TBX15: variants seen among roughly 807,000 people sequenced by gnomAD.
The protein encoded by TBX15 is T-box transcription factor 15.
In TBX15, 18 loss-of-function variants were observed where a neutral mutation model predicts 53.9. The observed-to-expected ratio is 0.33, with a 90% CI of 0.23 to 0.49. The LOEUF is 0.49. Ranked by LOEUF, TBX15 falls within the 20% of genes least tolerant of loss-of-function variation. The pLI is 0.98. For missense variants in TBX15, 692 were observed against 749.5 expected (o/e 0.92, Z 0.90); for synonymous variants, 295 against 278.0 (o/e 1.06, Z -0.61).
chr1:118,918,547 T>C (rs1283563349), intron 5 of TBX15, among the ~76,000 whole-genome samples: 1 of 152,200 alleles, frequency 6.6e-6, no homozygotes, highest in South Asian at 2.1e-4. Flanking sequence ...AGTCTGCTAG[T>C]CTACATGTCC....
At chr1:118,956,226 A>T (rs1315900240) in intron 1 of TBX15, among the ~76,000 whole-genome samples, 1 of 152,210 alleles carries the variant, frequency 6.6e-6, no homozygotes. Flanking sequence ...TTTTTCTAGC[A>T]GTCTGAGCAG....
At chr1:118,913,588 C>A (rs577141425) in intron 6 of TBX15, among the ~76,000 whole-genome samples, 7 of 152,154 alleles carry the variant, frequency 4.6e-5, no homozygotes, top group Non-Finnish European at 8.8e-5. Flanking sequence ...GAGGCTAAGT[C>A]ATCAAGAAAG....
intron 2 of TBX15, among the ~76,000 whole-genome samples, chr1:118,927,802 G>A (rs529458738): frequency 6.1e-4 from 93 of 152,278 alleles, no homozygotes; most frequent in African/African-American, 2.2e-3. Flanking sequence ...TTAACCATAA[G>A]AAAGAAGAAA....
Position 118,884,794 on chromosome 1 carries a change from C to T in TBX15, c.1747G>A (p.Asp583Asn). The change falls in exon 8 of 8, where the codon GAT becomes AAT. Residue 583 changes from aspartate to asparagine, a missense_variant. Physicochemically the swap from Asp to Asn is conservative, Grantham distance 23 (BLOSUM62 1). This residue lies in a region of TBX15 where 375 missense variants were observed against 371.6 expected (regional missense o/e 1.01). Coordinates refer to ENST00000369429, the MANE Select transcript of TBX15 (RefSeq NM_001330677.2). ...PNNQQATNTC[D>N]GRQYGAVPGS... is the part of the protein sequence containing the mutation. ...GGAACTGCCCCATACTGCCGGCCAT[C>T]ACAAGTGTTGGTTGCCTGTTGGTTA... 6.2e-7 allele frequency: 1 copy of T among 1,614,090 alleles called. No individual in the cohort carries two copies. The highest frequency in any genetic ancestry group is 8.5e-7 in the Non-Finnish European group (1 of 1,180,018).
chr1:118,922,881 G>A (rs1655468646), intron 5 of TBX15, among the ~76,000 whole-genome samples: 1 of 152,050 alleles, frequency 6.6e-6, no homozygotes, highest in African/African-American at 2.4e-5. Flanking sequence ...GTTCTACAAA[G>A]TAAATTCTGA....
intron 6 of TBX15, among the ~76,000 whole-genome samples, chr1:118,913,761 G>T (rs1409485046): frequency 6.6e-6 from 1 of 152,074 alleles, no homozygotes; most frequent in South Asian, 2.1e-4. Flanking sequence ...TGTTTCCTGG[G>T]AATGAGAAAT....
intron 1 of TBX15, among the ~76,000 whole-genome samples, chr1:118,979,839 G>A (rs1460168044): frequency 1.3e-5 from 2 of 152,166 alleles, no homozygotes; most frequent in East Asian, 1.9e-4. Context: ...GATGCGGCGA[G>A]GCGAGGCGAG....
At chr1:118,952,703 A>AG (rs1426549124) in intron 1 of TBX15, among the ~76,000 whole-genome samples, 3 of 152,208 alleles carry the variant, frequency 2.0e-5, no homozygotes, top group African/African-American at 7.2e-5. Flanking sequence ...AAACTTCCCA[A>AG]GGGGGCTAGC....
Position 118,885,066 on chromosome 1 carries a change from G to A in TBX15, c.1475C>T (p.Ser492Leu). The change falls in exon 8 of 8, where the codon TCA becomes TTA. Residue 492 changes from serine to leucine, a missense_variant. Around this residue, in one of 3 missense-constraint regions of TBX15, gnomAD observed 375 missense variants for 371.6 expected, o/e 1.01. Transcript: ENST00000369429. ...GTGGCTGCCCCCGAACATGTGTGGT[G>A]ATGAGGAGCTGGAGGCAGCATTGCC... Reference protein sequence around the residue: ...QAGNAASSSSSPHMFGGSHMQ... With the variant: ...QAGNAASSSSLPHMFGGSHMQ... 6.2e-7 allele frequency: 1 copy of A among 1,614,166 alleles called. No homozygotes were observed. The highest frequency in any genetic ancestry group is 8.5e-7 in the Non-Finnish European group (1 of 1,180,040).
At chr1:118,977,255 A>G (rs1340528513) in intron 1 of TBX15, among the ~76,000 whole-genome samples, 1 of 152,156 alleles carries the variant, frequency 6.6e-6, no homozygotes, top group Non-Finnish European at 1.5e-5. Context: ...GTATTTTGTG[A>G]GTGTTTTGAT....
chr1:118,924,825 A>T lies in TBX15; in HGVS notation c.522-8T>A. 1.2e-6 allele frequency: 2 copies of T among 1,614,002 alleles called. No individual in the cohort carries two copies. The highest frequency in any genetic ancestry group is 1.7e-6 in the Non-Finnish European group (2 of 1,179,922). ...GAGCTATGATACACATATCTGAGAT[A>T]AAGAGGAAGAGAGGAAAATTCAGAG... On this transcript the variant is annotated splice_region_variant and splice_polypyrimidine_tract_variant and intron_variant, in intron 3 of 7. Transcript: ENST00000369429.
At chr1:118,928,751 A>G (rs560323174) in intron 2 of TBX15, among the ~76,000 whole-genome samples, 53 of 152,296 alleles carry the variant, frequency 3.5e-4, no homozygotes, top group Non-Finnish European at 3.8e-4. Context: ...TTTTAATTCA[A>G]TATCTGTTCT....
intron 1 of TBX15, among the ~76,000 whole-genome samples, chr1:118,939,441 A>AAAAAAAAAAAT (rs1656090516): frequency 7.2e-6 from 1 of 138,638 alleles, no homozygotes; most frequent in Non-Finnish European, 1.6e-5. Flanking sequence ...AAAAAACAAA[A>AAAAAAAAAAAT]ACAGGAACAG....
intron 2 of TBX15, among the ~76,000 whole-genome samples, chr1:118,929,891 C>T (rs748870840): frequency 8.5e-5 from 13 of 152,146 alleles, no homozygotes; most frequent in Non-Finnish European, 1.8e-4. Flanking sequence ...TCTCTCCAAA[C>T]CAACTCTTCT....
At chr1:118,908,716 G>A (rs1014260607) in intron 6 of TBX15, among the ~76,000 whole-genome samples, 6 of 151,696 alleles carry the variant, frequency 4.0e-5, no homozygotes, top group South Asian at 2.1e-4. Flanking sequence ...GCTTCCCCAC[G>A]ACGTGAACAC....
intron 6 of TBX15, among the ~76,000 whole-genome samples, chr1:118,901,695 T>G (rs1004323146): frequency 2.6e-5 from 4 of 152,132 alleles, no homozygotes; most frequent in African/African-American, 9.7e-5. Context: ...TCTTGAATGG[T>G]TATCCACCTC....
intron 2 of TBX15, among the ~76,000 whole-genome samples, chr1:118,928,049 C>A (rs937582173): frequency 3.9e-5 from 6 of 152,172 alleles, no homozygotes; most frequent in African/African-American, 1.4e-4. Context: ...ATAGACCATA[C>A]CCTGACCTCA....
At chr1:118,933,691 A>C (rs1655876510) in intron 1 of TBX15, among the ~76,000 whole-genome samples, 1 of 152,154 alleles carries the variant, frequency 6.6e-6, no homozygotes, top group South Asian at 2.1e-4. Context: ...AGCCAAACAC[A>C]CTAATTCATG....
intron 3 of TBX15, 74 bp from the exon 4 acceptor site, chr1:118,924,891 AG>A: frequency 6.5e-7 from 1 of 1,541,426 alleles, no homozygotes; most frequent in Non-Finnish European, 9.0e-7. Context: ...AAACAAGTTG[AG>A]ACAGGGGAAA....
Sources: allele counts gnomAD v4.1 joint callset (sites outside exome capture counted in the v4.1 genomes callset), GRCh38; gene constraint gnomAD v4.1.1; regional missense constraint gnomAD v4.1.1; transcripts MANE v1.5; gene names NCBI Gene and HGNC (gene_info 2026-07-23, HGNC 2026-07-21).